The following WDR45B variants were observed in gnomAD, a reference collection of about 807,000 sequenced individuals.
WDR45B encodes the protein WD repeat domain 45B, also known as WD repeat domain phosphoinositide-interacting protein 3.
A neutral mutation model predicts 44.6 loss-of-function variants in WDR45B; 20 were observed. That is an observed-to-expected ratio of 0.45 (90% CI 0.32 to 0.65). WDR45B has a LOEUF of 0.65. WDR45B is among the 30% of genes least tolerant of loss of function. WDR45B has a pLI of 0.05. For missense variants in WDR45B, 323 were observed against 430.2 expected, an observed-to-expected ratio of 0.75 and a Z score of 2.20; for synonymous variants, 169 against 164.9, an observed-to-expected ratio of 1.02 and a Z score of -0.19.
intron 3 of WDR45B, chr17:82,630,088 G>T: frequency 1.5e-6 from 1 of 663,976 alleles, no homozygotes. Flanking sequence ...CTGGCACTGG[G>T]CTCAGACGAG....
chr17:82,624,853 T>G (rs371589121), intron 5 of WDR45B, among the ~76,000 whole-genome samples: 2 of 136,658 alleles, frequency 1.5e-5, no homozygotes, highest in Non-Finnish European at 3.2e-5. Flanking sequence ...CTCCTGACCT[T>G]GTGATCCGCC....
intron 5 of WDR45B, among the ~76,000 whole-genome samples, chr17:82,623,998 G>A (rs1381696300): frequency 6.6e-6 from 1 of 152,138 alleles, no homozygotes; most frequent in South Asian, 2.1e-4. Context: ...GAAAATAAAC[G>A]GCCGCATTTT....
intron 5 of WDR45B, among the ~76,000 whole-genome samples, chr17:82,622,295 G>C (rs1038112737): frequency 1.3e-5 from 2 of 152,166 alleles, no homozygotes; most frequent in Non-Finnish European, 2.9e-5. Context: ...TTGTGATCGT[G>C]GGCTGGAAGA....
At chr17:82,625,284 C>T (rs905498960) in intron 5 of WDR45B, 105 bp downstream of exon 5, 9 of 1,141,558 alleles carry the variant, frequency 7.9e-6, no homozygotes, top group African/African-American at 3.1e-5. Flanking sequence ...GGATTGCTCT[C>T]GCCAAGCACT....
At chr17:82,647,794 C>A (rs1281638823) in intron 1 of WDR45B, among the ~76,000 whole-genome samples, 2 of 151,960 alleles carry the variant, frequency 1.3e-5, no homozygotes, top group Non-Finnish European at 2.9e-5. Context: ...AGCTCAGCCA[C>A]GGGCTACCTA....
intron 7 of WDR45B, chr17:82,617,634 C>A: frequency 3.7e-6 from 2 of 546,794 alleles, no homozygotes; most frequent in Non-Finnish European, 6.8e-6. Flanking sequence ...TTGGGTGCCC[C>A]ACAAATGCAG....
At position 82,636,185 on chromosome 17, in the gene WDR45B, C is replaced by T. The variant is rs563162214; in HGVS notation, c.143-5163G>A. On this transcript the variant is annotated intron_variant, in intron 2 of 9. Coordinates refer to ENST00000392325, the MANE Select transcript of WDR45B (RefSeq NM_019613.4). ...CTGAGGCAGGAGAATCACTTGAACC[C>T]GGCAGGTGGAGGTTGCAGTGAGCCG... is the stretch of plus-strand genomic sequence containing the variant. 2.7e-5 allele frequency among the ~76,000 whole-genome samples: 4 copies of T among 148,164 alleles called. No individual in the cohort carries two copies. In the South Asian group the frequency reaches 6.4e-4, roughly 24 times the overall value.
intron 9 of WDR45B, among the ~76,000 whole-genome samples, 172 bp downstream of exon 9, chr17:82,616,352 G>A (rs903240432): frequency 2.0e-5 from 3 of 152,200 alleles, no homozygotes; most frequent in Non-Finnish European, 4.4e-5. Context: ...CCAAATGGCC[G>A]TGCAGACCGT....
At chr17:82,617,982 G>A (rs762398654) in intron 7 of WDR45B, among the ~76,000 whole-genome samples, 23 of 151,214 alleles carry the variant, frequency 1.5e-4, no homozygotes, top group Non-Finnish European at 3.1e-4. Context: ...AGGATAGAGC[G>A]CAGTAGCACG....
intron 4 of WDR45B, chr17:82,625,856 G>C (rs1000751069): frequency 2.7e-5 from 8 of 299,540 alleles, no homozygotes; most frequent in Non-Finnish European, 4.5e-5. Flanking sequence ...GAATATCCTC[G>C]ATCTGGCTCA....
Position 82,617,932 on chromosome 17 carries a change from CTTT to C in WDR45B, c.705-538_705-536del, listed in dbSNP as rs896081781. Among the ~76,000 whole-genome samples the C allele has an allele frequency of 1.5e-4, 21 of 143,668 alleles. 1 individual carries two copies. The highest frequency in any genetic ancestry group is 1.1e-3 in the South Asian group (5 of 4,608). The allele number at this position is 143,668 out of a possible 152,430, so 94.3% of individuals were successfully genotyped here. ...TTTATAAATTAATTACATTTTCTTTCTTTTTTTTTTTTTTGAGACAGAGTCTCG... is the reference window on the plus strand; with the variant it reads ...TTTATAAATTAATTACATTTTCTTTCTTTTTTTTTTTGAGACAGAGTCTCG... On this transcript the variant is annotated intron_variant, in intron 7 of 9. Coordinates refer to ENST00000392325, the MANE Select transcript of WDR45B (RefSeq NM_019613.4).
At chr17:82,626,533 CAAA>C (rs562186058) in intron 4 of WDR45B, among the ~76,000 whole-genome samples, 1 of 79,452 alleles carries the variant, frequency 1.3e-5, no homozygotes, top group Middle Eastern at 0.01. Flanking sequence ...CTCTATCTCC[CAAA>C]AAAAAAAAAA....
intron 2 of WDR45B, among the ~76,000 whole-genome samples, chr17:82,636,011 C>T (rs774410094): frequency 3.3e-5 from 5 of 151,894 alleles, no homozygotes; most frequent in Non-Finnish European, 5.9e-5. Context: ...CACTTGAACC[C>T]GGGAGGCAGA....
chr17:82,626,882 C>A, intron 4 of WDR45B: 1 of 397,150 alleles, frequency 2.5e-6, no homozygotes. Flanking sequence ...TAATTCAAGG[C>A]TCAAAACTCA....
chr17:82,623,008 C>T (rs1038596413), intron 5 of WDR45B, among the ~76,000 whole-genome samples: 1 of 152,152 alleles, frequency 6.6e-6, no homozygotes, highest in African/African-American at 2.4e-5. Flanking sequence ...AGATGAAAAG[C>T]TACCAAATGT....
chr17:82,641,678 C>T (rs1189535564), intron 2 of WDR45B, among the ~76,000 whole-genome samples: 2 of 152,218 alleles, frequency 1.3e-5, no homozygotes, highest in East Asian at 1.9e-4. Flanking sequence ...GGGCGGATCA[C>T]GAGGTCAGGA....
chr17:82,641,686 G>A (rs543784445), intron 2 of WDR45B, among the ~76,000 whole-genome samples: 92 of 152,280 alleles, frequency 6.0e-4, no homozygotes, highest in African/African-American at 2.1e-3. Context: ...CACGAGGTCA[G>A]GAGATCAAGA....
intron 1 of WDR45B, among the ~76,000 whole-genome samples, chr17:82,646,436 T>C (rs1326116300): frequency 7.5e-5 from 9 of 120,606 alleles, no homozygotes; most frequent in Non-Finnish European, 1.4e-4. Context: ...GCAGTGAGCC[T>C]AGAACGCGCC....
chr17:82,643,751 C>T (rs2045944671), intron 2 of WDR45B, among the ~76,000 whole-genome samples, 198 bp downstream of exon 2: 2 of 152,164 alleles, frequency 1.3e-5, no homozygotes, highest in Non-Finnish European at 2.9e-5. Flanking sequence ...AACAAACCTG[C>T]TCAACACCTG....
Sources: allele counts gnomAD v4.1 joint callset (sites outside exome capture counted in the v4.1 genomes callset), GRCh38; gene constraint gnomAD v4.1.1; transcripts MANE v1.5; gene names NCBI Gene and HGNC (gene_info 2026-07-23, HGNC 2026-07-21).